SVOP: variants seen among roughly 807,000 people sequenced by gnomAD.
SVOP encodes synaptic vesicle 2-related protein.
SVOP carries 17 observed loss-of-function variants against 69.1 expected under a neutral mutation model. That is an observed-to-expected ratio of 0.25 (90% confidence interval 0.17 to 0.37). The LOEUF (loss-of-function observed/expected upper bound fraction) is 0.37. Among genes scored for constraint, SVOP ranks in the 10% least tolerant of loss-of-function variants. The pLI is 1.00. For synonymous variants in SVOP, 238 were observed against 238.6 expected (o/e 1.00, Z 0.02); for missense variants, 435 against 597.5 (o/e 0.73, Z 2.84).
At chr12:109,015,422 G>C (rs1405381849) in intron 1 of SVOP, among the ~76,000 whole-genome samples, 3 of 152,214 alleles carry the variant, frequency 2.0e-5, no homozygotes, top group Admixed American at 2.0e-4. Context: ...ATCCCAGTGA[G>C]AGAGGATGGA....
intron 6 of SVOP, among the ~76,000 whole-genome samples, chr12:108,950,766 C>T (rs914139376): frequency 4.6e-5 from 7 of 152,138 alleles, no homozygotes; most frequent in Non-Finnish European, 1.5e-5. Context: ...ATTATGAATG[C>T]TTAGGTTGTG....
chr12:108,960,997 T>C lies in SVOP; in HGVS notation c.504A>G (p.Ala168=). The change falls in exon 6 of 16, where the codon GCA becomes GCG. Residue 168 remains alanine, a synonymous_variant. Coordinates refer to ENST00000610966, the MANE Select transcript of SVOP (RefSeq NM_018711.5). ...GGATCCAGCTATACACGGGCGCAAATGCACTAAGGATGCCATAGTACAGAG... is the reference window on the plus strand; with the variant it reads ...GGATCCAGCTATACACGGGCGCAAACGCACTAAGGATGCCATAGTACAGAG... The part of the protein sequence containing the change: ...LWTLYYGILS[A]FAPVYSWILV... 3 of 1,537,076 alleles carry C rather than the reference T, an allele frequency of 2.0e-6. No individual in the cohort carries two copies. Among genetic ancestry groups the C allele is most frequent in the South Asian group, 1.2e-5 (1 of 84,058 alleles).
intron 8 of SVOP, among the ~76,000 whole-genome samples, chr12:108,939,194 C>T (rs1333479040): frequency 6.6e-6 from 1 of 152,216 alleles, no homozygotes; most frequent in African/African-American, 2.4e-5. Flanking sequence ...AGAGATCCTA[C>T]CTCTTAGGGC....
chr12:108,993,569 A>C (rs1034157759), intron 1 of SVOP, among the ~76,000 whole-genome samples: 1 of 152,160 alleles, frequency 6.6e-6, no homozygotes, highest in Non-Finnish European at 1.5e-5. Context: ...AGGGGATAAG[A>C]ATTTTAAAAA....
chr12:108,923,253 G>A (rs1023019497), intron 11 of SVOP, among the ~76,000 whole-genome samples: 17 of 152,158 alleles, frequency 1.1e-4, no homozygotes, highest in African/African-American at 4.1e-4. Context: ...GTATGTGATT[G>A]CATTAAACAA....
At chr12:109,016,164 A>AGAGAT (rs2040366579) in intron 1 of SVOP, among the ~76,000 whole-genome samples, 1 of 152,184 alleles carries the variant, frequency 6.6e-6, no homozygotes, top group Non-Finnish European at 1.5e-5. Context: ...GATCCTTACA[A>AGAGAT]CAGCCCTGCA....
At chr12:108,986,696 C>T (rs867036944) in intron 1 of SVOP, among the ~76,000 whole-genome samples, 12 of 152,128 alleles carry the variant, frequency 7.9e-5, no homozygotes, top group South Asian at 2.1e-4. Context: ...CTCAATATTA[C>T]GGAAATGCAA....
rs534905050 is a variant in SVOP, at chr12:108,939,837, C to T, written c.769-882G>A. On this transcript the variant is annotated intron_variant, in intron 8 of 15. Transcript: ENST00000610966. Reference sequence around the variant, plus strand: ...CCAATGGCATATGAGCAGACTATTCCTGGCCAAGGTATTTAAGAAGTGACT... The same window carrying T: ...CCAATGGCATATGAGCAGACTATTCTTGGCCAAGGTATTTAAGAAGTGACT... 1.5e-4 allele frequency among the ~76,000 whole-genome samples: 23 copies of T among 152,316 alleles called. 1 individual carries two copies. In the South Asian group the frequency reaches 4.1e-3, roughly 27 times the overall value.
chr12:109,005,216 A>G (rs1427693016), intron 1 of SVOP, among the ~76,000 whole-genome samples: 1 of 152,078 alleles, frequency 6.6e-6, no homozygotes, highest in African/African-American at 2.4e-5. Flanking sequence ...AGAGAGCCCA[A>G]CTCTGGCAAA....
intron 7 of SVOP, among the ~76,000 whole-genome samples, chr12:108,944,052 G>T (rs186454394): frequency 6.0e-4 from 91 of 152,010 alleles, no homozygotes; most frequent in Non-Finnish European, 1.0e-3. Context: ...CTAACTTTTT[G>T]TATTTTTTGG....
chr12:108,948,253 C>T (rs528022538), intron 6 of SVOP, among the ~76,000 whole-genome samples: 1 of 152,310 alleles, frequency 6.6e-6, no homozygotes, highest in East Asian at 1.9e-4. Flanking sequence ...TTCACTCTTA[C>T]AGCTTCCTCC....
At chr12:108,931,706 C>G (rs909110143) in intron 11 of SVOP, among the ~76,000 whole-genome samples, 1 of 151,960 alleles carries the variant, frequency 6.6e-6, no homozygotes, top group African/African-American at 2.4e-5. Flanking sequence ...TGATGGCGGT[C>G]GCCTGTAGTC....
At chr12:108,964,208 AAAAG>A (rs989924733) in intron 5 of SVOP, among the ~76,000 whole-genome samples, 2 of 152,136 alleles carry the variant, frequency 1.3e-5, no homozygotes, top group African/African-American at 2.4e-5. Context: ...TAAATCAAAA[AAAAG>A]AAAGAAAGAA....
chr12:108,913,280 C>G (rs1205843067), intron 15 of SVOP, among the ~76,000 whole-genome samples: 2 of 152,004 alleles, frequency 1.3e-5, no homozygotes, highest in African/African-American at 4.8e-5. Flanking sequence ...AGGCTGGTCT[C>G]GAACTCCTGA....
chr12:108,991,478 C>A (rs1217631315), intron 1 of SVOP, among the ~76,000 whole-genome samples: 1 of 149,526 alleles, frequency 6.7e-6, no homozygotes, highest in Non-Finnish European at 1.5e-5. Context: ...TGTTTTGAGA[C>A]AGAATCTTGC....
Position 108,986,774 on chromosome 12 carries a change from G to T in SVOP, c.36-3013C>A, listed in dbSNP as rs1045583488. 2.2e-5 allele frequency among the ~76,000 whole-genome samples: 3 copies of T among 136,012 alleles called. No homozygotes were observed. The Admixed American group carries it at 2.4e-4, about 11-fold the overall frequency. The allele number at this position is 136,012 out of a possible 152,430, so 89.2% of individuals were successfully genotyped here. A position where few individuals can be genotyped will look rare whatever the true frequency, so the allele number is the denominator to read the frequency against. ...CTGTCGCCAGTGCTCTTCTTTGATC[G>T]GGGAGGGGGGGGTCTTTATAGGCAT... On this transcript the variant is annotated intron_variant, in intron 1 of 15. Coordinates refer to ENST00000610966, the MANE Select transcript of SVOP (RefSeq NM_018711.5).
chr12:108,990,258 C>T (rs2137444221), intron 1 of SVOP, among the ~76,000 whole-genome samples: 1 of 152,286 alleles, frequency 6.6e-6, no homozygotes, highest in Non-Finnish European at 1.5e-5. Context: ...CCATCCATGT[C>T]CCTACAAAGG....
intron 1 of SVOP, among the ~76,000 whole-genome samples, chr12:108,994,212 G>A (rs1301490986): frequency 2.0e-5 from 3 of 152,152 alleles, no homozygotes; most frequent in Non-Finnish European, 4.4e-5. Context: ...GCTGATACGG[G>A]GCAAGGCACA....
At chr12:108,997,652 C>A (rs1015195177) in intron 1 of SVOP, among the ~76,000 whole-genome samples, 1 of 151,328 alleles carries the variant, frequency 6.6e-6, no homozygotes, top group Admixed American at 6.6e-5. Context: ...GGTCCCTGAC[C>A]CCTGACCCCC....
Sources: allele counts gnomAD v4.1 joint callset (sites outside exome capture counted in the v4.1 genomes callset), GRCh38; gene constraint gnomAD v4.1.1; transcripts MANE v1.5; gene names NCBI Gene and HGNC (gene_info 2026-07-23, HGNC 2026-07-21).